DUSP16: variants seen among roughly 807,000 people sequenced by gnomAD.
The protein encoded by DUSP16 is dual specificity protein phosphatase 16.
DUSP16 carries 21 observed loss-of-function variants against 58.3 expected under a neutral mutation model. The ratio of observed to expected loss-of-function variants is 0.36; its 90% CI spans 0.26 to 0.52. The LOEUF is 0.52. Ranked by LOEUF, DUSP16 falls within the 20% of genes least tolerant of loss-of-function variation. The probability of loss-of-function intolerance (pLI) is 0.94; values close to 1 mark genes in which losing one functional copy is unlikely to be tolerated. For missense variants in DUSP16, 726 were observed against 819.0 expected (o/e 0.89, Z 1.39); for synonymous variants, 320 against 323.8 (o/e 0.99, Z 0.12).
At chr12:12,481,453 C>A (rs1943562943) in intron 5 of DUSP16, among the ~76,000 whole-genome samples, 1 of 152,116 alleles carries the variant, frequency 6.6e-6, no homozygotes, top group African/African-American at 2.4e-5. Flanking sequence ...GTAGATACTA[C>A]CAAAAGTCTA....
In DUSP16 at chr12:12,477,865, A is replaced by G; in HGVS notation, c.966T>C (p.Pro322=). 1 of 1,614,126 alleles carries G rather than the reference A, an allele frequency of 6.2e-7. No individual in the cohort carries two copies. Among genetic ancestry groups the G allele is most frequent in the South Asian group, 1.1e-5 (1 of 91,086 alleles). ...GTCCACCCTCTGAGACAGCAGGGAC[A>G]GGTTCATTTGGCTTCTCCAGGTGCA... ...KLLHLEKPNE[P]VPAVSEGGQK... is the part of the protein sequence containing the mutation. Residue 322 remains proline (P), a synonymous_variant, in exon 7 of 7, where the codon CCT becomes CCC. Coordinates refer to ENST00000298573, the MANE Select transcript of DUSP16 (RefSeq NM_030640.3). This position sits in a 1 kb window ranked among gnomAD's most constrained non-coding sequence, Gnocchi z 4.1.
At chr12:12,483,737 C>T (rs1776541777) in intron 5 of DUSP16, among the ~76,000 whole-genome samples, 1 of 152,106 alleles carries the variant, frequency 6.6e-6, no homozygotes, top group Non-Finnish European at 1.5e-5. Flanking sequence ...TATCCCATAG[C>T]ACAAACGGGC....
At chr12:12,525,316 C>A (rs971743893) in intron 1 of DUSP16, among the ~76,000 whole-genome samples, 2 of 151,792 alleles carry the variant, frequency 1.3e-5, no homozygotes, top group Non-Finnish European at 1.5e-5. Context: ...ATTGCCCAGG[C>A]TGGAGTGCAA....
chr12:12,521,169 A>G lies in DUSP16; in HGVS notation c.-71T>C. On this transcript the variant is annotated 5_prime_UTR_variant, in exon 2 of 7. Coordinates refer to ENST00000298573, the MANE Select transcript of DUSP16 (RefSeq NM_030640.3). ...CGATGATGTAATGGTGGTGTGCTCA[A>G]AGGCTCAGCCACTCCATTGTACTAA... 6.4e-7 allele frequency: 1 copy of G among 1,562,238 alleles called. No homozygotes were observed. Among genetic ancestry groups the G allele is most frequent in the Non-Finnish European group, 8.7e-7 (1 of 1,154,398 alleles).
intron 1 of DUSP16, among the ~76,000 whole-genome samples, chr12:12,538,337 C>T (rs1199010694): frequency 6.6e-6 from 1 of 152,148 alleles, no homozygotes; most frequent in Non-Finnish European, 1.5e-5. Flanking sequence ...TCAGTCATGT[C>T]ACGTCATTAA....
intron 5 of DUSP16, among the ~76,000 whole-genome samples, chr12:12,485,786 CTT>C (rs749939375): frequency 0.11 from 11,735 of 106,756 alleles, 266 homozygotes; most frequent in Middle Eastern, 0.15. Context: ...GCCAATTCCA[CTT>C]TTTTTTTTTT....
chr12:12,540,929 TTTTTCTTTTCTTTTC>T (rs200717053), intron 1 of DUSP16, among the ~76,000 whole-genome samples: 2 of 117,874 alleles, frequency 1.7e-5, no homozygotes. Flanking sequence ...CAGTTGCTTT[TTTTTCTTTTCTTTTC>T]TTTTCTTTTT....
At chr12:12,547,284 C>A (rs1944654660) in intron 1 of DUSP16, among the ~76,000 whole-genome samples, 1 of 151,678 alleles carries the variant, frequency 6.6e-6, no homozygotes, top group Non-Finnish European at 1.5e-5. Context: ...CAAAAATTAG[C>A]CGGGCGTGGT....
chr12:12,487,866 G>A (rs1359564823), intron 4 of DUSP16, among the ~76,000 whole-genome samples: 1 of 152,042 alleles, frequency 6.6e-6, no homozygotes, highest in Non-Finnish European at 1.5e-5. Flanking sequence ...AACTAAGCTC[G>A]AGAATAAAAT....
chr12:12,480,053 A>C (rs920464377), intron 6 of DUSP16, among the ~76,000 whole-genome samples, 170 bp downstream of exon 6: 16 of 152,248 alleles, frequency 1.1e-4, no homozygotes, highest in Non-Finnish European at 1.5e-5. Flanking sequence ...AAATAGTAAA[A>C]CAGCATTCTT....
At chr12:12,557,983 C>G (rs1207758758) in intron 1 of DUSP16, among the ~76,000 whole-genome samples, 1 of 152,216 alleles carries the variant, frequency 6.6e-6, no homozygotes, top group Admixed American at 6.5e-5. Context: ...TCTATTATCT[C>G]TATGAAGATT....
intron 4 of DUSP16, among the ~76,000 whole-genome samples, chr12:12,499,744 G>A (rs1258930278): frequency 6.6e-6 from 1 of 152,206 alleles, no homozygotes; most frequent in African/African-American, 2.4e-5. Context: ...TTGTGGTGAT[G>A]TAAATTAAGA....
At chr12:12,522,664 A>G (rs1944253435) in intron 1 of DUSP16, among the ~76,000 whole-genome samples, 1 of 151,972 alleles carries the variant, frequency 6.6e-6, no homozygotes, top group Non-Finnish European at 1.5e-5. Context: ...CTCAGGCTCA[A>G]GTGATTCTCC....
In DUSP16 at chr12:12,532,164, C is replaced by CA. The variant is rs59100809; in HGVS notation, c.-365-10702dup. ...TGGGCGACAGAGCGAGACTCCGTCT[C>CA]AAAAAAAAAACAAAACAAAGTGACT... On this transcript the variant is annotated intron_variant, in intron 1 of 6. Transcript: ENST00000298573. 8.0e-3 allele frequency among the ~76,000 whole-genome samples: 1,119 copies of CA among 140,184 alleles called. 18 individuals are homozygous for CA. The highest frequency in any genetic ancestry group is 0.026 in the African/African-American group (1,019 of 38,892). The allele number at this position is 140,184 out of a possible 152,430, so 92.0% of individuals were successfully genotyped here. A position where few individuals can be genotyped will look rare whatever the true frequency, so the allele number is the denominator to read the frequency against.
Position 12,521,199 on chromosome 12 carries a change from GT to G in DUSP16, c.-102del. 6.6e-7 allele frequency: 1 copy of G among 1,520,904 alleles called. No individual in the cohort carries two copies. 94.2% of individuals were successfully genotyped at this position (1,520,904 alleles called of 1,614,324 possible). The stretch of plus-strand genomic sequence containing the variant: ...TCAGCCACTCCATTGTACTAAAAGT[GT>G]ATGAGGTCAGGCTGGTGGTGACTGG... On this transcript the variant is annotated 5_prime_UTR_variant, in exon 2 of 7. It introduces an in-frame stop codon into an upstream open reading frame of the 5' UTR. Transcript: ENST00000298573.
chr12:12,542,388 G>GAAAAAAA (rs56822339), intron 1 of DUSP16, among the ~76,000 whole-genome samples: 32 of 109,590 alleles, frequency 2.9e-4, no homozygotes, highest in African/African-American at 3.2e-4. Context: ...AAAGAAAAGA[G>GAAAAAAA]AAAAAAAAAA....
chr12:12,549,899 A>C (rs1287105705), intron 1 of DUSP16, among the ~76,000 whole-genome samples: 1 of 152,138 alleles, frequency 6.6e-6, no homozygotes, highest in Non-Finnish European at 1.5e-5. Context: ...TTCCACCCAT[A>C]ATAGTATCTG....
intron 3 of DUSP16, among the ~76,000 whole-genome samples, chr12:12,502,540 T>G (rs1332092711): frequency 6.6e-6 from 1 of 151,252 alleles, no homozygotes; most frequent in Admixed American, 6.6e-5. Flanking sequence ...CCTTACAGTT[T>G]CATGGTTTCA....
In DUSP16 at chr12:12,520,966, C is replaced by T; in HGVS notation, c.133G>A (p.Ala45Thr). 1 of 1,614,218 alleles carries T rather than the reference C, an allele frequency of 6.2e-7. No homozygotes were observed. Among genetic ancestry groups the T allele is most frequent in the Non-Finnish European group, 8.5e-7 (1 of 1,180,032 alleles). ...AGCTTGGAGCAGTTGATATTAATGG[C>T]TTCCAAAATGTGGGATGTATTGTAT... The part of the protein sequence containing the change: ...VEYNTSHILE[A>T]ININCSKLMK... Residue 45 changes from alanine (A) to threonine (T), a missense_variant, in exon 2 of 7, where the codon GCC (alanine) becomes ACC (threonine). By Grantham distance (58) the Ala-to-Thr change is moderately conservative. Coordinates refer to ENST00000298573, the MANE Select transcript of DUSP16 (RefSeq NM_030640.3).
Sources: allele counts gnomAD v4.1 joint callset (sites outside exome capture counted in the v4.1 genomes callset), GRCh38; gene constraint gnomAD v4.1.1; non-coding constraint Gnocchi (gnomAD v3.1); transcripts MANE v1.5; gene names NCBI Gene and HGNC (gene_info 2026-07-23, HGNC 2026-07-21).